Variants in CNTN6 observed in about 807,000 individuals in gnomAD.
The protein encoded by CNTN6 is contactin 6.
In CNTN6, 137 loss-of-function variants were observed where a neutral mutation model predicts 122.8. The observed-to-expected ratio is 1.12, with a 90% CI of 0.97 to 1.29. The LOEUF (loss-of-function observed/expected upper bound fraction) is 1.29. CNTN6 is among the 50% of genes most tolerant of loss of function. The pLI, the probability that CNTN6 is intolerant of heterozygous loss-of-function variation, is 0.00. For missense variants in CNTN6, 1,634 were observed against 1,223.4 expected, an observed-to-expected ratio of 1.34 and a Z score of -5.01; for synonymous variants, 570 against 426.0, an observed-to-expected ratio of 1.34 and a Z score of -4.16.
chr3:1,170,731 C>G (rs1322579922), intron 2 of CNTN6, among the ~76,000 whole-genome samples: 1 of 152,120 alleles, frequency 6.6e-6, no homozygotes, highest in African/African-American at 2.4e-5. Context: ...TCCCTTGTTT[C>G]TTCCTTATAA....
At chr3:1,366,930 T>G (rs1708317376) in intron 12 of CNTN6, among the ~76,000 whole-genome samples, 1 of 152,138 alleles carries the variant, frequency 6.6e-6, no homozygotes, top group Non-Finnish European at 1.5e-5. Flanking sequence ...TACAGTCTAT[T>G]TTTCACACTG....
chr3:1,174,486 C>T (rs2093413709), intron 2 of CNTN6, among the ~76,000 whole-genome samples: 1 of 152,200 alleles, frequency 6.6e-6, no homozygotes, highest in Non-Finnish European at 1.5e-5. Context: ...AAATGTTCTC[C>T]TGTCAGATCT....
intron 1 of CNTN6, among the ~76,000 whole-genome samples, chr3:1,119,354 G>GTGTGTGTGTGTGT (rs1339996215): frequency 0.12 from 1,065 of 8,820 alleles, 25 homozygotes; most frequent in African/African-American, 0.3. Flanking sequence ...TGTGTGTGTG[G>GTGTGTGTGTGTGT]AGAATGTCTC....
intron 19 of CNTN6, among the ~76,000 whole-genome samples, chr3:1,384,890 T>G (rs1043015860): frequency 6.6e-6 from 1 of 150,760 alleles, no homozygotes; most frequent in East Asian, 2.0e-4. Flanking sequence ...TCTTTTCCAC[T>G]CCATGCCAAG....
chr3:1,155,466 C>T (rs2092941662), intron 2 of CNTN6, among the ~76,000 whole-genome samples: 1 of 149,416 alleles, frequency 6.7e-6, no homozygotes, highest in Admixed American at 6.6e-5. Context: ...CACAATATAT[C>T]TTTTGGGCTT....
intron 1 of CNTN6, among the ~76,000 whole-genome samples, chr3:1,094,359 A>C (rs185411387): frequency 5.9e-5 from 9 of 152,340 alleles, no homozygotes; most frequent in African/African-American, 2.2e-4. Flanking sequence ...TGTAAAAAAA[A>C]AGAAATACAG....
At chr3:1,184,046 C>T (rs1346569598) in intron 2 of CNTN6, among the ~76,000 whole-genome samples, 13 of 152,154 alleles carry the variant, frequency 8.5e-5, no homozygotes, top group Admixed American at 3.3e-4. Context: ...TGCTTCATTA[C>T]AGTGTGCAAT....
At chr3:1,377,164 C>G (rs543814337) in intron 17 of CNTN6, 89 bp downstream of exon 17, 609 of 821,684 alleles carry the variant, frequency 7.4e-4, no homozygotes, top group Admixed American at 2.7e-3. Flanking sequence ...TATTTGATCA[C>G]TATTGAGAGC....
chr3:1,144,405 G>T (rs2092679885), intron 1 of CNTN6, among the ~76,000 whole-genome samples: 1 of 151,810 alleles, frequency 6.6e-6, no homozygotes, highest in Non-Finnish European at 1.5e-5. Flanking sequence ...GTGAAACCCT[G>T]TCTTTACTAA....
chr3:1,321,792 C>T lies in CNTN6; in HGVS notation c.904C>T (p.Leu302Phe), dbSNP rs748296604. The T allele has an allele frequency of 3.1e-6, 5 of 1,610,082 alleles. No homozygotes were observed. The African/African-American group carries it at 5.4e-5, about 17-fold the overall frequency. ...CTTTTATGAGTGCATTGCAAGCAAC[C>T]TTCGAGGAAGAAACCTTGCAAAGGG... The part of the protein sequence containing the change: ...EGFYECIASN[L>F]RGRNLAKGQL... Residue 302 changes from leucine to phenylalanine, a missense_variant, in exon 8 of 23, where the codon CTT becomes TTT. Coordinates refer to ENST00000446702, the MANE Select transcript of CNTN6 (RefSeq NM_001289080.2).
chr3:1,312,025 T>A (rs1488469058), intron 7 of CNTN6, among the ~76,000 whole-genome samples: 1 of 152,070 alleles, frequency 6.6e-6, no homozygotes, highest in South Asian at 2.1e-4. Flanking sequence ...TTCCTAAGTA[T>A]ATTTTTAGAA....
intron 4 of CNTN6, among the ~76,000 whole-genome samples, chr3:1,255,441 G>T (rs535638856): frequency 2.6e-5 from 4 of 151,254 alleles, no homozygotes; most frequent in African/African-American, 9.7e-5. Context: ...AAGAAAGAAA[G>T]AAAGAAAGGA....
chr3:1,203,179 A>C (rs2093909442), intron 2 of CNTN6, among the ~76,000 whole-genome samples: 1 of 152,234 alleles, frequency 6.6e-6, no homozygotes, highest in African/African-American at 2.4e-5. Flanking sequence ...GTTTTAAAGC[A>C]AAGTGAGAAC....
intron 2 of CNTN6, among the ~76,000 whole-genome samples, chr3:1,153,229 T>A (rs1225403965): frequency 2.0e-5 from 3 of 152,162 alleles, no homozygotes; most frequent in African/African-American, 7.2e-5. Context: ...GTGCAATAAT[T>A]CAAGAAAGTC....
In CNTN6 at chr3:1,383,032, G is replaced by T. The variant is rs764605089; in HGVS notation, c.2257G>T (p.Val753Leu). 5.0e-6 allele frequency: 8 copies of T among 1,613,956 alleles called. No homozygotes were observed. The African/African-American group carries it at 9.3e-5, about 19-fold the overall frequency. Residue 753 changes from valine to leucine, a missense_variant, in exon 18 of 23, where the codon GTG becomes TTG. By Grantham distance (32) the Val-to-Leu change is conservative. Transcript: ENST00000446702. Reference sequence around the variant, plus strand: ...CTCGACAACCTGGTCCAAGGAGAAAGTGTCATCTGTGGAATCATCAAGGTT... The same window carrying T: ...CTCGACAACCTGGTCCAAGGAGAAATTGTCATCTGTGGAATCATCAAGGTT... ...VGSTTWSKEK[V>L]SSVESSRFVY...
chr3:1,395,257 T>C (rs1294516400), intron 20 of CNTN6, among the ~76,000 whole-genome samples: 2 of 152,230 alleles, frequency 1.3e-5, no homozygotes, highest in African/African-American at 4.8e-5. Flanking sequence ...ATTCTATTAA[T>C]GGCCTTAAAC....
chr3:1,237,749 C>T (rs921270572), intron 4 of CNTN6, among the ~76,000 whole-genome samples: 65 of 152,054 alleles, frequency 4.3e-4, no homozygotes, highest in Non-Finnish European at 1.6e-4. Context: ...CTATTTTTAG[C>T]CTCCTTAAAC....
intron 2 of CNTN6, among the ~76,000 whole-genome samples, chr3:1,202,419 A>C (rs576132564): frequency 6.6e-6 from 1 of 152,014 alleles, no homozygotes; most frequent in Non-Finnish European, 1.5e-5. Context: ...GGGCGCCTGT[A>C]GTCCCAGCTA....
chr3:1,382,312 A>T (rs1447685342), intron 17 of CNTN6, among the ~76,000 whole-genome samples: 1 of 152,188 alleles, frequency 6.6e-6, no homozygotes, highest in Non-Finnish European at 1.5e-5. Flanking sequence ...TTGCTATTTT[A>T]GTAATTTTAG....
Sources: allele counts gnomAD v4.1 joint callset (sites outside exome capture counted in the v4.1 genomes callset), GRCh38; gene constraint gnomAD v4.1.1; transcripts MANE v1.5; gene names NCBI Gene and HGNC (gene_info 2026-07-23, HGNC 2026-07-21).